The following NLGN1 variants were observed in gnomAD, a reference collection of about 807,000 sequenced individuals.
NLGN1 encodes the protein neuroligin 1, also known as neuroligin-1.
NLGN1 carries 12 observed loss-of-function variants against 65.5 expected under a neutral mutation model. That is an observed-to-expected ratio of 0.18 (90% CI 0.12 to 0.30). The LOEUF (loss-of-function observed/expected upper bound fraction) is 0.30. Ranked by LOEUF, NLGN1 falls within the 10% of genes least tolerant of loss-of-function variation. The pLI is 1.00. For missense variants in NLGN1, 750 were observed against 1,007.1 expected (o/e 0.74, Z 3.46); for synonymous variants, 350 against 359.5 (o/e 0.97, Z 0.30).
At chr3:174,039,164 G>A (rs1731749242) in intron 4 of NLGN1, among the ~76,000 whole-genome samples, 1 of 152,006 alleles carries the variant, frequency 6.6e-6, no homozygotes, top group South Asian at 2.1e-4. Context: ...TATTTAGAAA[G>A]GAGGCATTCA....
At chr3:173,685,218 A>C (rs1443940867) in intron 3 of NLGN1, among the ~76,000 whole-genome samples, 2 of 152,202 alleles carry the variant, frequency 1.3e-5, no homozygotes, top group African/African-American at 4.8e-5. Flanking sequence ...CCAATATTAC[A>C]ATAGACACAA....
intron 4 of NLGN1, among the ~76,000 whole-genome samples, chr3:173,991,592 T>G (rs1339895176): frequency 6.6e-6 from 1 of 152,190 alleles, no homozygotes; most frequent in African/African-American, 2.4e-5. Context: ...TTTAATTAAT[T>G]TAAATTTAAA....
At chr3:174,097,317 A>C (rs901908142) in intron 4 of NLGN1, among the ~76,000 whole-genome samples, 2 of 152,192 alleles carry the variant, frequency 1.3e-5, no homozygotes, top group African/African-American at 2.4e-5. Context: ...TCTTCAGGGC[A>C]ATAATTAGTG....
chr3:174,187,962 C>G (rs1373168432), intron 4 of NLGN1, among the ~76,000 whole-genome samples: 1 of 152,012 alleles, frequency 6.6e-6, no homozygotes, highest in African/African-American at 2.4e-5. Context: ...GTACTCATTA[C>G]ATGTTTATTG....
At chr3:173,581,528 A>C (rs1450275301) in intron 2 of NLGN1, among the ~76,000 whole-genome samples, 2 of 152,028 alleles carry the variant, frequency 1.3e-5, no homozygotes, top group East Asian at 1.9e-4. Flanking sequence ...AAATACAAGA[A>C]AGAGCTAGTT....
intron 2 of NLGN1, among the ~76,000 whole-genome samples, chr3:173,566,275 T>C (rs985395034): frequency 3.9e-5 from 6 of 152,212 alleles, no homozygotes; most frequent in African/African-American, 9.6e-5. Context: ...GCTACAGACC[T>C]GAGCTGCTTC....
chr3:173,558,252 T>C (rs9860992), intron 2 of NLGN1, among the ~76,000 whole-genome samples: 7,897 of 152,202 alleles, frequency 0.052, 638 homozygotes, highest in African/African-American at 0.18. Context: ...ATGTTCTATA[T>C]ACCATTGGTT....
chr3:174,267,503 T>G (rs926552318), intron 4 of NLGN1, among the ~76,000 whole-genome samples: 3 of 152,144 alleles, frequency 2.0e-5, no homozygotes, highest in Non-Finnish European at 4.4e-5. Context: ...TGGGGGAATC[T>G]CAAGAGTCTC....
intron 4 of NLGN1, among the ~76,000 whole-genome samples, chr3:174,163,856 C>G (rs957242342): frequency 6.6e-6 from 1 of 152,066 alleles, no homozygotes. Context: ...GAAACTGATT[C>G]CATGTCATTG....
At chr3:173,679,473 G>A (rs1763637314) in intron 3 of NLGN1, among the ~76,000 whole-genome samples, 1 of 152,146 alleles carries the variant, frequency 6.6e-6, no homozygotes. Context: ...TTCTACAGGG[G>A]AGGGGATAAA....
At chr3:173,560,700 C>CA (rs1359870370) in intron 2 of NLGN1, among the ~76,000 whole-genome samples, 5 of 151,772 alleles carry the variant, frequency 3.3e-5, no homozygotes, top group African/African-American at 1.2e-4. Flanking sequence ...CCCAAGATAA[C>CA]AAGACAAAAA....
At chr3:173,617,496 C>A (rs1246378639) in intron 3 of NLGN1, among the ~76,000 whole-genome samples, 1 of 152,180 alleles carries the variant, frequency 6.6e-6, no homozygotes, top group East Asian at 1.9e-4. Context: ...AATTCCTCAC[C>A]AGACATAGTA....
intron 4 of NLGN1, among the ~76,000 whole-genome samples, chr3:174,224,698 CA>C (rs961904821): frequency 5.3e-5 from 8 of 150,564 alleles, no homozygotes; most frequent in East Asian, 3.9e-4. Flanking sequence ...GACTCGGTCT[CA>C]AAAAAAAAGG....
chr3:173,971,106 C>T (rs903900754), intron 4 of NLGN1, among the ~76,000 whole-genome samples: 5 of 151,876 alleles, frequency 3.3e-5, no homozygotes, highest in African/African-American at 9.7e-5. Flanking sequence ...TGAAAAACTG[C>T]GTGCATTCAC....
intron 3 of NLGN1, among the ~76,000 whole-genome samples, chr3:173,642,018 C>T (rs973337051): frequency 8.4e-6 from 1 of 118,518 alleles, no homozygotes; most frequent in Non-Finnish European, 1.9e-5. Context: ...GGACTGCTCT[C>T]TCTCTCTCTC....
chr3:173,476,235 T>A (rs945630244), intron 2 of NLGN1, among the ~76,000 whole-genome samples: 4 of 152,166 alleles, frequency 2.6e-5, no homozygotes, highest in Admixed American at 2.0e-4. Flanking sequence ...TAATGCTAGA[T>A]GTTGAAAATA....
chr3:173,932,236 A>G (rs1744229439), intron 4 of NLGN1, among the ~76,000 whole-genome samples: 1 of 152,138 alleles, frequency 6.6e-6, no homozygotes, highest in South Asian at 2.1e-4. Flanking sequence ...ACTGTGATCA[A>G]GTTAAAAATG....
At chr3:173,454,640 T>C (rs1577569414) in intron 2 of NLGN1, among the ~76,000 whole-genome samples, 1 of 152,336 alleles carries the variant, frequency 6.6e-6, no homozygotes, top group African/African-American at 2.4e-5. Context: ...TTCTGTAGCT[T>C]CCTCACCTCT....
intron 4 of NLGN1, among the ~76,000 whole-genome samples, chr3:174,062,665 G>A (rs942173674): frequency 6.6e-6 from 1 of 151,910 alleles, no homozygotes; most frequent in Non-Finnish European, 1.5e-5. Flanking sequence ...TTGTTATTCA[G>A]AAGATGAAAC....
Sources: gnomAD v4.1 joint callset for allele counts (sites outside exome capture counted in the v4.1 genomes callset) on GRCh38, gnomAD v4.1.1 for gene constraint, MANE v1.5 for transcripts, NCBI Gene and HGNC (gene_info 2026-07-23, HGNC 2026-07-21) for gene names.